Variants in ULK4 observed in about 807,000 individuals in gnomAD.
ULK4 encodes the protein unc-51 like kinase 4.
In ULK4, 133 loss-of-function variants were observed where a neutral mutation model predicts 160.6. The ratio of observed to expected loss-of-function variants is 0.83; its 90% CI spans 0.72 to 0.96. ULK4 has a LOEUF of 0.96. ULK4 is among the 40% of genes least tolerant of loss of function. ULK4 has a pLI of 0.00. For synonymous variants in ULK4, 534 were observed against 539.8 expected, an observed-to-expected ratio of 0.99 and a Z score of 0.15; for missense variants, 1,580 against 1,499.5, an observed-to-expected ratio of 1.05 and a Z score of -0.89.
At chr3:41,437,856 C>A (rs2083071807) in intron 34 of ULK4, among the ~76,000 whole-genome samples, 1 of 152,092 alleles carries the variant, frequency 6.6e-6, no homozygotes, top group Non-Finnish European at 1.5e-5. Flanking sequence ...GGGAGAGATT[C>A]TGTTTACAAG....
At chr3:41,923,513 G>T (rs776112699) in intron 5 of ULK4, among the ~76,000 whole-genome samples, 5 of 152,046 alleles carry the variant, frequency 3.3e-5, no homozygotes, top group Non-Finnish European at 7.4e-5. Context: ...AAACAAAAAA[G>T]AATCCCTGAA....
intron 35 of ULK4, among the ~76,000 whole-genome samples, chr3:41,253,554 T>G (rs2078776934): frequency 6.6e-6 from 1 of 151,776 alleles, no homozygotes; most frequent in South Asian, 2.1e-4. Context: ...AATTAAAATT[T>G]AATATTAAAA....
chr3:41,720,928 G>C (rs903752163), intron 22 of ULK4, among the ~76,000 whole-genome samples: 1 of 152,082 alleles, frequency 6.6e-6, no homozygotes, highest in East Asian at 1.9e-4. Flanking sequence ...CACATAGTTT[G>C]CTATTTATAA....
chr3:41,928,088 G>A (rs986171338), intron 5 of ULK4, among the ~76,000 whole-genome samples: 15 of 152,082 alleles, frequency 9.9e-5, no homozygotes, highest in African/African-American at 3.6e-4. Context: ...TTCTAAAATC[G>A]ACCACATAAT....
At chr3:41,828,101 C>G (rs1051927678) in intron 18 of ULK4, among the ~76,000 whole-genome samples, 2 of 137,098 alleles carry the variant, frequency 1.5e-5, no homozygotes, top group East Asian at 2.0e-4. Context: ...ATTCAACAGC[C>G]CTTCATGCTA....
chr3:41,725,157 G>A (rs974719192), intron 22 of ULK4, among the ~76,000 whole-genome samples: 1 of 151,912 alleles, frequency 6.6e-6, no homozygotes, highest in African/African-American at 2.4e-5. Context: ...TTTGTGTTCT[G>A]TTAAAAAAAA....
intron 16 of ULK4, among the ~76,000 whole-genome samples, chr3:41,886,864 C>T (rs796728483): frequency 4.6e-5 from 7 of 152,140 alleles, no homozygotes; most frequent in East Asian, 3.9e-4. Flanking sequence ...TGAGCCACCG[C>T]GCCCAGCCTG....
intron 31 of ULK4, among the ~76,000 whole-genome samples, chr3:41,612,774 A>G (rs1041166340): frequency 6.6e-6 from 1 of 152,206 alleles, no homozygotes; most frequent in Non-Finnish European, 1.5e-5. Context: ...CAGGAAAAAA[A>G]CAGAGAAGCT....
At chr3:41,574,531 CTTTTTTTTT>C (rs568406782) in intron 31 of ULK4, among the ~76,000 whole-genome samples, 238 of 92,150 alleles carry the variant, frequency 2.6e-3, no homozygotes, top group African/African-American at 4.5e-3. Context: ...CCAGAGTCCT[CTTTTTTTTT>C]TTTTTTTTTT....
chr3:41,555,117 T>C (rs1326318085), intron 32 of ULK4, among the ~76,000 whole-genome samples: 1 of 151,766 alleles, frequency 6.6e-6, no homozygotes, highest in Non-Finnish European at 1.5e-5. Flanking sequence ...AATTAATAGG[T>C]AAAAACATAA....
At position 41,292,897 on chromosome 3, in the gene ULK4, T is replaced by C. The variant is rs576754750; in HGVS notation, c.3679-43323A>G. On this transcript the variant is annotated intron_variant, in intron 35 of 36. Coordinates refer to ENST00000301831, the MANE Select transcript of ULK4 (RefSeq NM_017886.4). The stretch of plus-strand genomic sequence containing the variant: ...TGGCAGAGGTTGCAGTGAGCCAAGA[T>C]TGCACGACTGTACTCCAGCCTGGGC... Among the ~76,000 whole-genome samples the C allele has an allele frequency of 4.6e-5, 7 of 152,008 alleles. No individual in the cohort carries two copies. The South Asian group carries it at 1.0e-3, about 23-fold the overall frequency.
At chr3:41,594,197 A>G (rs2031541935) in intron 31 of ULK4, among the ~76,000 whole-genome samples, 1 of 152,172 alleles carries the variant, frequency 6.6e-6, no homozygotes, top group Non-Finnish European at 1.5e-5. Flanking sequence ...AACCATCAGA[A>G]AATCAAAATA....
At chr3:41,247,773 G>A (rs1286739540) in intron 36 of ULK4, among the ~76,000 whole-genome samples, 3 of 152,214 alleles carry the variant, frequency 2.0e-5, no homozygotes, top group Non-Finnish European at 4.4e-5. Context: ...AGACTAGTGG[G>A]GCCATGCTGC....
At chr3:41,313,664 T>C (rs1200443996) in intron 35 of ULK4, among the ~76,000 whole-genome samples, 1 of 152,240 alleles carries the variant, frequency 6.6e-6, no homozygotes, top group Non-Finnish European at 1.5e-5. Flanking sequence ...GATAAAAATT[T>C]ATCTCTAGCT....
At chr3:41,354,469 C>T (rs948302576) in intron 35 of ULK4, among the ~76,000 whole-genome samples, 11 of 152,168 alleles carry the variant, frequency 7.2e-5, no homozygotes, top group East Asian at 5.8e-4. Flanking sequence ...GGTTTTCAAA[C>T]GGGCTAACTC....
intron 22 of ULK4, among the ~76,000 whole-genome samples, chr3:41,721,345 TATATATATATATATATA>T (rs1386720815): frequency 9.2e-5 from 5 of 54,630 alleles, no homozygotes; most frequent in African/African-American, 4.8e-4. Context: ...TATATATATA[TATATATATATATATATA>T]TTTTTTTTTT....
intron 35 of ULK4, among the ~76,000 whole-genome samples, chr3:41,295,396 C>A (rs2079650035): frequency 1.5e-5 from 2 of 133,534 alleles, no homozygotes; most frequent in Admixed American, 1.4e-4. Context: ...GAAAACAAAT[C>A]TAGATGACCT....
chr3:41,360,079 A>G (rs924167949), intron 35 of ULK4, among the ~76,000 whole-genome samples: 27 of 152,066 alleles, frequency 1.8e-4, no homozygotes, highest in Admixed American at 1.4e-3. Context: ...CATTTACAGG[A>G]AAAAAAACCC....
At chr3:41,316,042 G>A (rs1355381270) in intron 35 of ULK4, among the ~76,000 whole-genome samples, 1 of 152,044 alleles carries the variant, frequency 6.6e-6, no homozygotes, top group Non-Finnish European at 1.5e-5. Context: ...TCACAGGTAT[G>A]AACACACAAA....
Sources: allele counts gnomAD v4.1 joint callset (sites outside exome capture counted in the v4.1 genomes callset), GRCh38; gene constraint gnomAD v4.1.1; transcripts MANE v1.5; gene names NCBI Gene and HGNC (gene_info 2026-07-23, HGNC 2026-07-21).